Variants in MAGED1 observed in about 807,000 individuals in gnomAD.
MAGED1 encodes MAGE family member D1, also known as melanoma-associated antigen D1.
MAGED1 carries 3 observed loss-of-function variants against 54.1 expected under a neutral mutation model. That is an observed-to-expected ratio of 0.06 (90% confidence interval 0.03 to 0.14). The LOEUF (loss-of-function observed/expected upper bound fraction) is 0.14, where lower values mean the gene tolerates loss of function less well. MAGED1 is among the 10% of genes least tolerant of loss of function. The pLI, the probability that MAGED1 is intolerant of heterozygous loss-of-function variation, is 1.00. For missense variants in MAGED1, 485 were observed against 623.4 expected (o/e 0.78, Z 2.36); for synonymous variants, 217 against 227.3 (o/e 0.95, Z 0.41).
At chrX:51,805,586 A>G (rs1557354985) in intron 1 of MAGED1, among the ~76,000 whole-genome samples, 1 of 110,372 alleles carries the variant, frequency 9.1e-6, no homozygotes, top group African/African-American at 3.3e-5. Flanking sequence ...ATTACTCCCT[A>G]ATTATAAATA....
At chrX:51,827,295 A>G (rs1275491427) in intron 1 of MAGED1, among the ~76,000 whole-genome samples, 2 of 111,427 alleles carry the variant, frequency 1.8e-5, no homozygotes, top group Admixed American at 9.5e-5. Context: ...AGAAAAGGCT[A>G]CATACTGTAT....
At chrX:51,821,769 T>C (rs1207947795) in intron 1 of MAGED1, among the ~76,000 whole-genome samples, 2 of 112,038 alleles carry the variant, frequency 1.8e-5, no homozygotes, top group Non-Finnish European at 3.8e-5. Context: ...TTTCCTTCTG[T>C]TCCTAGTTTA....
intron 10 of MAGED1, chrX:51,898,907 G>C (rs1928882328): frequency 3.8e-6 from 1 of 263,855 alleles, no homozygotes; most frequent in Non-Finnish European, 6.6e-6. Context: ...GGGAGGCTGA[G>C]GTAGGGGAGA....
At chrX:51,892,717 C>T (rs186035906), upstream of MAGED1, among the ~76,000 whole-genome samples, 21 of 111,456 alleles carry the variant, frequency 1.9e-4, no homozygotes, top group African/African-American at 6.8e-4. Flanking sequence ...GTCTGTTGCT[C>T]AAATGGAGGA....
At chrX:51,873,196 A>C (rs782354422) in intron 1 of MAGED1, among the ~76,000 whole-genome samples, 2 of 111,114 alleles carry the variant, frequency 1.8e-5, no homozygotes, top group Non-Finnish European at 3.8e-5. Context: ...AGAGTGAGCA[A>C]GAGTAGGGAA....
chrX:51,894,234 C>T, intron 1 of MAGED1, 35 bp from the exon 2 acceptor site: 3 of 884,719 alleles, frequency 3.4e-6, no homozygotes, highest in South Asian at 2.1e-5. Context: ...TCGTATTTGC[C>T]CTCTGTAGTA....
chrX:51,850,972 G>A (rs1926869494), intron 1 of MAGED1, among the ~76,000 whole-genome samples: 1 of 111,528 alleles, frequency 9.0e-6, no homozygotes, highest in Non-Finnish European at 1.9e-5. Flanking sequence ...GCAAAGGAAA[G>A]TAAGGAATCT....
At chrX:51,860,452 C>T (rs1053814011) in intron 1 of MAGED1, among the ~76,000 whole-genome samples, 1 of 111,142 alleles carries the variant, frequency 9.0e-6, no homozygotes, top group East Asian at 2.8e-4. Flanking sequence ...GGGGGACTGA[C>T]GGAGAAGAAG....
At chrX:51,841,718 T>G (rs1353271185) in intron 1 of MAGED1, among the ~76,000 whole-genome samples, 1 of 111,729 alleles carries the variant, frequency 9.0e-6, no homozygotes, top group Non-Finnish European at 1.9e-5. Context: ...CTTGTTTTTG[T>G]CAGGTTTGTC....
intron 1 of MAGED1, among the ~76,000 whole-genome samples, chrX:51,854,647 G>A (rs897057708): frequency 9.0e-6 from 1 of 111,504 alleles, no homozygotes; most frequent in Non-Finnish European, 1.9e-5. Context: ...AATAATAATA[G>A]CAAACTTTCA....
At chrX:51,806,874 G>C (rs1485997124) in intron 1 of MAGED1, among the ~76,000 whole-genome samples, 1 of 109,193 alleles carries the variant, frequency 9.2e-6, no homozygotes, top group Non-Finnish European at 1.9e-5. Flanking sequence ...TGCAACCTTC[G>C]CCTCCCGGGT....
intron 1 of MAGED1, among the ~76,000 whole-genome samples, chrX:51,845,309 CT>C (rs1926645637): frequency 1.8e-5 from 2 of 111,906 alleles, no homozygotes; most frequent in South Asian, 7.5e-4. Flanking sequence ...TACATGCTAC[CT>C]TTTATGAAAA....
chrX:51,806,570 T>C (rs1253662933), intron 1 of MAGED1, among the ~76,000 whole-genome samples: 20 of 111,876 alleles, frequency 1.8e-4, no homozygotes, highest in African/African-American at 6.5e-4. Context: ...AATGTAGTTA[T>C]CCTTTTATTG....
intron 1 of MAGED1, among the ~76,000 whole-genome samples, chrX:51,822,387 C>G (rs1557356604): frequency 1.8e-5 from 2 of 110,849 alleles, no homozygotes; most frequent in Non-Finnish European, 1.9e-5. Flanking sequence ...TCTTTCATTT[C>G]TTATTCTAGT....
At chrX:51,865,515 C>T (rs1407835359) in intron 1 of MAGED1, among the ~76,000 whole-genome samples, 2 of 111,392 alleles carry the variant, frequency 1.8e-5, no homozygotes, top group African/African-American at 6.5e-5. Context: ...CCTTCTATTT[C>T]TTTTCTCCTT....
chrX:51,824,896 G>A (rs1193486435), intron 1 of MAGED1, among the ~76,000 whole-genome samples: 1 of 107,725 alleles, frequency 9.3e-6, no homozygotes, highest in Non-Finnish European at 1.9e-5. Context: ...GTGTGTGTGT[G>A]TGTGTAAAAT....
At chrX:51,803,238 T>G (rs1283522872) in intron 1 of MAGED1, 3 of 111,331 alleles carry the variant, frequency 2.7e-5, no homozygotes, top group Non-Finnish European at 3.8e-5. Flanking sequence ...GTGCGTTGTA[T>G]GAAGGATGCT....
chrX:51,852,267 C>T (rs782447304), intron 1 of MAGED1, among the ~76,000 whole-genome samples: 7 of 111,538 alleles, frequency 6.3e-5, no homozygotes, highest in Non-Finnish European at 1.3e-4. Context: ...CCAGTAATTA[C>T]ACTGGGCTCA....
chrX:51,850,001 C>T (rs890862862), intron 1 of MAGED1, among the ~76,000 whole-genome samples: 10 of 110,502 alleles, frequency 9.0e-5, no homozygotes, highest in South Asian at 4.0e-4. Flanking sequence ...GGCATGATCT[C>T]GGCTCACTGC....
Sources: gnomAD v4.1 joint callset for allele counts (sites outside exome capture counted in the v4.1 genomes callset) on GRCh38, gnomAD v4.1.1 for gene constraint, MANE v1.5 for transcripts, NCBI Gene and HGNC (gene_info 2026-07-23, HGNC 2026-07-21) for gene names.